PDE4B: variants seen among roughly 807,000 people sequenced by gnomAD.
The protein encoded by PDE4B is 3',5'-cyclic-AMP phosphodiesterase 4B.
A neutral mutation model predicts 82.2 loss-of-function variants in PDE4B; 20 were observed. The ratio of observed to expected loss-of-function variants is 0.24; its 90% confidence interval spans 0.17 to 0.35. The LOEUF (loss-of-function observed/expected upper bound fraction) is 0.35, where lower values mean the gene tolerates loss of function less well. Ranked by LOEUF, PDE4B falls within the 10% of genes least tolerant of loss-of-function variation. PDE4B has a pLI of 1.00. For missense variants in PDE4B, 655 were observed against 907.2 expected, an observed-to-expected ratio of 0.72 and a Z score of 3.57; for synonymous variants, 320 against 318.9, an observed-to-expected ratio of 1.00 and a Z score of -0.04.
intron 7 of PDE4B, among the ~76,000 whole-genome samples, chr1:66,316,900 T>C (rs1659065304): frequency 6.6e-6 from 1 of 152,184 alleles, no homozygotes; most frequent in African/African-American, 2.4e-5. Flanking sequence ...AGTGACGTAG[T>C]TTACAAACCA....
chr1:66,145,956 A>G lies in PDE4B; in HGVS notation c.282-101504A>G, dbSNP rs544282992. Among the ~76,000 whole-genome samples, 89 of 152,234 alleles carry G rather than the reference A, an allele frequency of 5.8e-4. No individual in the cohort carries two copies. The South Asian group carries it at 0.018, about 31-fold the overall frequency. On this transcript the variant is annotated intron_variant, in intron 3 of 16. Coordinates refer to ENST00000341517, the MANE Select transcript of PDE4B (RefSeq NM_002600.4). Reference sequence around the variant, plus strand: ...GTCTGTGTGTTTTGAGAATTGTGTGACTGCTATATGACTGCAATATTTGCT... The same window carrying G: ...GTCTGTGTGTTTTGAGAATTGTGTGGCTGCTATATGACTGCAATATTTGCT...
rs138880455 is a variant in PDE4B, at chr1:66,130,556, C to T, written c.282-116904C>T. 1.6e-3 allele frequency among the ~76,000 whole-genome samples: 248 copies of T among 152,306 alleles called. 2 individuals are homozygous for T. The highest frequency in any genetic ancestry group is 3.4e-3 in the Middle Eastern group (1 of 294). ...TCTCCCAGCTGTCCCCAAATGTTGG[C>T]AGTCAAAGCCTCTTATATGATTCTC... On this transcript the variant is annotated intron_variant, in intron 3 of 16. Coordinates refer to ENST00000341517, the MANE Select transcript of PDE4B (RefSeq NM_002600.4).
chr1:66,049,621 A>G (rs553457430), intron 3 of PDE4B, among the ~76,000 whole-genome samples: 1 of 152,164 alleles, frequency 6.6e-6, no homozygotes, highest in African/African-American at 2.4e-5. Context: ...GTATGCTGAC[A>G]TGATATTTTC....
chr1:65,917,651 A>AAGTCTT (rs774947145), intron 2 of PDE4B, among the ~76,000 whole-genome samples: 2 of 152,180 alleles, frequency 1.3e-5, no homozygotes, highest in African/African-American at 2.4e-5. Flanking sequence ...GTACCGCACA[A>AAGTCTT]TGTCTTTGTC....
At chr1:66,056,223 A>C (rs1023075606) in intron 3 of PDE4B, among the ~76,000 whole-genome samples, 1 of 152,180 alleles carries the variant, frequency 6.6e-6, no homozygotes, top group Admixed American at 6.6e-5. Context: ...TGTTATTTGC[A>C]TGCAATTTAT....
At chr1:65,905,644 G>A (rs1389984221) in intron 1 of PDE4B, among the ~76,000 whole-genome samples, 6 of 152,046 alleles carry the variant, frequency 3.9e-5, no homozygotes, top group Non-Finnish European at 7.4e-5. Flanking sequence ...TAGAGAGAGG[G>A]GGAGTGGAAG....
At chr1:65,893,806 A>C (rs1043728867) in intron 1 of PDE4B, among the ~76,000 whole-genome samples, 4 of 152,076 alleles carry the variant, frequency 2.6e-5, no homozygotes, top group African/African-American at 9.7e-5. Context: ...ATGGAAGACT[A>C]CCCATCCATA....
rs2102079678 is a variant in PDE4B at position 66,372,779 on chromosome 1, G to A, written c.*101G>A. 1.6e-6 allele frequency: 2 copies of A among 1,213,610 alleles called. No individual in the cohort carries two copies. Among genetic ancestry groups the A allele is most frequent in the Non-Finnish European group, 2.3e-6 (2 of 867,552 alleles). The allele number at this position is 1,213,610 out of a possible 1,614,324, so 75.2% of individuals were successfully genotyped here. Reference sequence around the variant, plus strand: ...GGGGGCCAAGACCTGCACAGGACAAGGGCCACCTGGCCTTTCAGTTACTTG... The same window carrying A: ...GGGGGCCAAGACCTGCACAGGACAAAGGCCACCTGGCCTTTCAGTTACTTG... On this transcript the variant is annotated 3_prime_UTR_variant, in exon 17 of 17. Transcript: ENST00000341517.
rs79631889 is a variant in PDE4B at position 66,337,216 on chromosome 1, A to G, written c.747+4596A>G. ...GCCGCCCTTAGCATAAGATGCATCC[A>G]TTTGCTGGGCCCTGTGCTGTAATCA... On this transcript the variant is annotated intron_variant, in intron 8 of 16. Coordinates refer to ENST00000341517, the MANE Select transcript of PDE4B (RefSeq NM_002600.4). Among the ~76,000 whole-genome samples, 1,309 of 152,268 alleles carry G rather than the reference A, an allele frequency of 8.6e-3. 18 individuals carry two copies. The highest frequency in any genetic ancestry group is 0.03 in the Admixed American group (462 of 15,284).
At chr1:66,098,848 C>T (rs556126950) in intron 3 of PDE4B, among the ~76,000 whole-genome samples, 1 of 152,176 alleles carries the variant, frequency 6.6e-6, no homozygotes, top group South Asian at 2.1e-4. Flanking sequence ...GTGCTTTTAG[C>T]TTTCACTAAG....
At chr1:66,140,841 AT>A (rs1232781230) in intron 3 of PDE4B, among the ~76,000 whole-genome samples, 1 of 152,232 alleles carries the variant, frequency 6.6e-6, no homozygotes, top group Non-Finnish European at 1.5e-5. Context: ...ATGATTTCAC[AT>A]ACATTTTTGC....
chr1:66,007,724 C>A (rs1010410546), intron 3 of PDE4B, among the ~76,000 whole-genome samples: 1 of 152,080 alleles, frequency 6.6e-6, no homozygotes, highest in African/African-American at 2.4e-5. Flanking sequence ...TCTCCTAAGA[C>A]AGAGGGAAAC....
intron 3 of PDE4B, among the ~76,000 whole-genome samples, chr1:66,246,897 G>A (rs1390504524): frequency 2.0e-5 from 3 of 152,224 alleles, no homozygotes; most frequent in Admixed American, 6.5e-5. Context: ...TTAAATCTCA[G>A]GCTGGGCCTC....
intron 3 of PDE4B, among the ~76,000 whole-genome samples, chr1:66,206,156 G>A (rs1649532925): frequency 1.3e-5 from 2 of 152,132 alleles, no homozygotes; most frequent in African/African-American, 4.8e-5. Context: ...GCCACTGCTA[G>A]GCACTCTCGG....
intron 7 of PDE4B, among the ~76,000 whole-genome samples, chr1:66,325,671 C>T (rs889918185): frequency 4.6e-5 from 7 of 152,136 alleles, no homozygotes; most frequent in African/African-American, 1.4e-4. Context: ...GTGGGAAGGA[C>T]GCTTTAGGAT....
intron 3 of PDE4B, among the ~76,000 whole-genome samples, chr1:66,191,083 C>A (rs193266399): frequency 6.6e-6 from 1 of 152,244 alleles, no homozygotes; most frequent in East Asian, 1.9e-4. Flanking sequence ...CAAATAATCT[C>A]AGAAAAGTTT....
intron 3 of PDE4B, among the ~76,000 whole-genome samples, chr1:65,927,462 A>G (rs942224097): frequency 1.4e-5 from 2 of 147,524 alleles, no homozygotes; most frequent in South Asian, 2.1e-4. Context: ...TATGTATTAT[A>G]TATATAATAT....
chr1:66,155,830 T>A (rs1214627043), intron 3 of PDE4B, among the ~76,000 whole-genome samples: 1 of 152,176 alleles, frequency 6.6e-6, no homozygotes, highest in Non-Finnish European at 1.5e-5. Context: ...CAAACCATGA[T>A]ATTCCCTGCT....
At chr1:66,109,940 A>C (rs1645447029) in intron 3 of PDE4B, among the ~76,000 whole-genome samples, 1 of 151,934 alleles carries the variant, frequency 6.6e-6, no homozygotes, top group African/African-American at 2.4e-5. Flanking sequence ...TAGGTGACTC[A>C]GTTCATTTCT....
Sources: allele counts gnomAD v4.1 joint callset (sites outside exome capture counted in the v4.1 genomes callset), GRCh38; gene constraint gnomAD v4.1.1; transcripts MANE v1.5; gene names NCBI Gene and HGNC (gene_info 2026-07-23, HGNC 2026-07-21).